Variants in TXLNB observed in about 807,000 individuals in gnomAD.
TXLNB encodes the protein beta-taxilin.
Under a neutral mutation model 57.4 loss-of-function variants are expected in TXLNB, and 37 were observed. The observed-to-expected ratio is 0.64, with a 90% CI of 0.50 to 0.85. TXLNB has a LOEUF of 0.85. Among genes scored for constraint, TXLNB ranks in the 40% least tolerant of loss-of-function variants. The probability of loss-of-function intolerance (pLI) is 0.00; values close to 1 mark genes in which losing one functional copy is unlikely to be tolerated. For missense variants in TXLNB, 848 were observed against 825.6 expected (o/e 1.03, Z -0.33); for synonymous variants, 302 against 309.6 (o/e 0.98, Z 0.26).
At chr6:139,175,525 C>T in the TXLNB span, among the ~76,000 whole-genome samples, 12 of 152,296 alleles carry the variant, frequency 7.9e-5, 1 homozygote, top group East Asian at 1.3e-3. Context: ...CCTCTGCACA[C>T]ACACACCGTG....
At chr6:139,164,928 A>G in the TXLNB span, among the ~76,000 whole-genome samples, 1 of 152,118 alleles carries the variant, frequency 6.6e-6, no homozygotes, top group African/African-American at 2.4e-5. Flanking sequence ...CCATCTCTAC[A>G]TTAGCCCCTT....
At chr6:139,166,775 G>A in the TXLNB span, 4 of 1,613,782 alleles carry the variant, frequency 2.5e-6, no homozygotes, top group African/African-American at 4.0e-5. Context: ...GGAGAAGGCA[G>A]TGGGTGCCGC....
In TXLNB at chr6:139,288,808, T is replaced by C; in HGVS notation, c.92A>G (p.Glu31Gly). 6.2e-7 allele frequency: 1 copy of C among 1,614,208 alleles called. No individual in the cohort carries two copies. Among genetic ancestry groups the C allele is most frequent in the Non-Finnish European group, 8.5e-7 (1 of 1,180,018 alleles). ...TGGAGAATCCTGGCCATCTTCCTTC[T>C]CCAGGCCATTGTGACTGGGTAATGA... ...SSSLPSHNGLEKEDGQDSPTP... is the reference protein window; with the variant it reads ...SSSLPSHNGLGKEDGQDSPTP... Residue 31 changes from glutamate to glycine, a missense_variant, in exon 2 of 10, where the codon GAG (glutamate) becomes GGG (glycine). Physicochemically the swap from Glu to Gly is moderately conservative, Grantham distance 98. Coordinates refer to ENST00000358430, the MANE Select transcript of TXLNB (RefSeq NM_153235.4).
At chr6:139,218,965 C>T in the TXLNB span, among the ~76,000 whole-genome samples, 4 of 152,086 alleles carry the variant, frequency 2.6e-5, 1 homozygote, top group South Asian at 6.2e-4. Context: ...TATATTTTGT[C>T]AATTGTGGAA....
the TXLNB span, among the ~76,000 whole-genome samples, chr6:139,299,043 T>C: frequency 6.6e-6 from 1 of 152,196 alleles, no homozygotes; most frequent in Non-Finnish European, 1.5e-5. Context: ...TTATGCAGCC[T>C]GCAATACTGT....
At chr6:139,301,175 G>T in the TXLNB span, among the ~76,000 whole-genome samples, 1 of 152,076 alleles carries the variant, frequency 6.6e-6, no homozygotes, top group African/African-American at 2.4e-5. Context: ...CTTGATACCA[G>T]AAACTATGGC....
At chr6:139,207,761 A>C in the TXLNB span, among the ~76,000 whole-genome samples, 1 of 152,146 alleles carries the variant, frequency 6.6e-6, no homozygotes, top group Non-Finnish European at 1.5e-5. Flanking sequence ...AGAAGAGAGA[A>C]GATCCAATCT....
chr6:139,277,486 T>C (rs187940781), intron 2 of TXLNB, among the ~76,000 whole-genome samples: 1 of 152,172 alleles, frequency 6.6e-6, no homozygotes, highest in Non-Finnish European at 1.5e-5. Context: ...TTCTCTTTTT[T>C]GTACATAAAC....
intron 2 of TXLNB, among the ~76,000 whole-genome samples, chr6:139,278,545 T>C (rs2114600880): frequency 6.6e-6 from 1 of 152,342 alleles, no homozygotes; most frequent in Non-Finnish European, 1.5e-5. Flanking sequence ...AGGCCATCCC[T>C]TCACCTTTGT....
intron 6 of TXLNB, among the ~76,000 whole-genome samples, chr6:139,257,283 T>TC (rs1283549709): frequency 6.6e-6 from 1 of 152,124 alleles, no homozygotes; most frequent in Non-Finnish European, 1.5e-5. Context: ...GTTTTCCACT[T>TC]CCCCCCAGTC....
chr6:139,213,514 A>C, the TXLNB span, among the ~76,000 whole-genome samples: 2 of 152,228 alleles, frequency 1.3e-5, no homozygotes, highest in Non-Finnish European at 2.9e-5. Context: ...AAATGCCCAC[A>C]AGAGAAAGCA....
At chr6:139,212,658 G>T in the TXLNB span, among the ~76,000 whole-genome samples, 2 of 152,122 alleles carry the variant, frequency 1.3e-5, no homozygotes, top group Non-Finnish European at 2.9e-5. Context: ...TGGGCTAAAT[G>T]CTCCAATTAA....
chr6:139,166,319 G>C, the TXLNB span: 1 of 1,611,738 alleles, frequency 6.2e-7, no homozygotes, highest in Non-Finnish European at 8.5e-7. Flanking sequence ...CTGCAGCTTC[G>C]GTAGGCCGGT....
the TXLNB span, among the ~76,000 whole-genome samples, chr6:139,196,364 G>GTTTTTTTTTT: frequency 4.6e-5 from 4 of 86,770 alleles, 2 homozygotes; most frequent in Non-Finnish European, 9.0e-5. Context: ...CTCCAGATCT[G>GTTTTTTTTTT]GTTTTTTTTT....
the TXLNB span, among the ~76,000 whole-genome samples, chr6:139,225,028 C>A: frequency 6.6e-6 from 1 of 152,082 alleles, no homozygotes; most frequent in Non-Finnish European, 1.5e-5. Flanking sequence ...GTAAAGTTAG[C>A]TTGACATTTG....
rs559965927 is a variant in TXLNB, at chr6:139,252,501, A to C, written c.1077+3063T>G. On this transcript the variant is annotated intron_variant, in intron 7 of 9. Transcript: ENST00000358430. ...TTCAAAGGTAACTTGGAGACAAAAAAGAAAGACAAAGGAGGGTTCTTGCAA... is the reference window on the plus strand; with the variant it reads ...TTCAAAGGTAACTTGGAGACAAAAACGAAAGACAAAGGAGGGTTCTTGCAA... Among the ~76,000 whole-genome samples, 3 of 152,346 alleles carry C rather than the reference A, an allele frequency of 2.0e-5. No homozygotes were observed. The East Asian group carries it at 5.8e-4, about 29-fold the overall frequency.
the TXLNB span, among the ~76,000 whole-genome samples, chr6:139,191,957 A>C: frequency 6.6e-6 from 1 of 152,200 alleles, no homozygotes; most frequent in African/African-American, 2.4e-5. Context: ...CTCTTCTGTG[A>C]GCAGCTAAGC....
At chr6:139,165,160 A>AT in the TXLNB span, among the ~76,000 whole-genome samples, 1 of 152,248 alleles carries the variant, frequency 6.6e-6, no homozygotes, top group Non-Finnish European at 1.5e-5. Flanking sequence ...GAAATGGAAG[A>AT]TTAAACAGAT....
the TXLNB span, among the ~76,000 whole-genome samples, chr6:139,193,715 A>G: frequency 1.3e-5 from 2 of 148,562 alleles, no homozygotes; most frequent in African/African-American, 5.0e-5. Flanking sequence ...GTGCAGTGGT[A>G]TGATCTCAGC....
Sources: gnomAD v4.1 joint callset for allele counts (sites outside exome capture counted in the v4.1 genomes callset) on GRCh38, gnomAD v4.1.1 for gene constraint, MANE v1.5 for transcripts, NCBI Gene and HGNC (gene_info 2026-07-23, HGNC 2026-07-21) for gene names.